Variants in HERC2 observed in about 807,000 individuals in gnomAD.
The protein encoded by HERC2 is E3 ubiquitin-protein ligase HERC2.
HERC2 carries 102 observed loss-of-function variants against 537.7 expected under a neutral mutation model. The observed-to-expected ratio is 0.19, with a 90% CI of 0.16 to 0.22. The LOEUF is 0.22. Among genes scored for constraint, HERC2 ranks in the 10% least tolerant of loss-of-function variants. The probability of loss-of-function intolerance (pLI) is 1.00; values close to 1 mark genes in which losing one functional copy is unlikely to be tolerated. For synonymous variants in HERC2, 2,224 were observed against 2,466.2 expected (o/e 0.90, Z 2.91); for missense variants, 4,236 against 6,198.2 (o/e 0.68, Z 10.63).
At position 28,124,072 on chromosome 15, in the gene HERC2, C is replaced by T. The variant is rs765782498; in HGVS notation, c.13153G>A (p.Asp4385Asn). The change falls in exon 85 of 93, where the codon GAC becomes AAC. Residue 4385 changes from aspartate to asparagine, a missense_variant. Transcript: ENST00000261609. ...GATATCAGAATTCCTCGGAGAGTGT[C>T]GAACCCAACAGAAGGCCCGAGTCCA... is the stretch of plus-strand genomic sequence containing the variant. ...ETGLGPSVGFDTLRGILISQG... is the reference protein window; with the variant it reads ...ETGLGPSVGFNTLRGILISQG... 5.6e-6 allele frequency: 9 copies of T among 1,604,716 alleles called. No individual in the cohort carries two copies. The highest frequency in any genetic ancestry group is 2.2e-5 in the South Asian group (2 of 89,456).
At chr15:28,182,351 G>A (rs1435786693) in intron 57 of HERC2, 50 bp downstream of exon 57, 1 of 1,142,018 alleles carries the variant, frequency 8.8e-7, no homozygotes, top group Non-Finnish European at 1.3e-6. Flanking sequence ...CACGAGGTGT[G>A]GCTGCTGCCG....
chr15:28,301,769 A>G lies in HERC2; in HGVS notation c.73-2253T>C, dbSNP rs190965718. Among the ~76,000 whole-genome samples the G allele has an allele frequency of 3.0e-3, 331 of 108,616 alleles. 5 individuals are homozygous for G. The highest frequency in any genetic ancestry group is 5.0e-3 in the Non-Finnish European group (280 of 56,482). The allele number at this position is 108,616 out of a possible 152,430, so 71.3% of individuals were successfully genotyped here. Reference sequence around the variant, plus strand: ...TATATATATATATATATATATATATATATATATATATGGGTTATATATTCT... The same window carrying G: ...TATATATATATATATATATATATATGTATATATATATGGGTTATATATTCT... On this transcript the variant is annotated intron_variant, in intron 2 of 92. Coordinates refer to ENST00000261609, the MANE Select transcript of HERC2 (RefSeq NM_004667.6).
At chr15:28,314,409 G>A (rs1477163019) in intron 2 of HERC2, among the ~76,000 whole-genome samples, 30 of 152,308 alleles carry the variant, frequency 2.0e-4, no homozygotes, top group African/African-American at 2.9e-4. Context: ...TGAAGCAACG[G>A]TATGCAGTAT....
chr15:28,243,369 C>G (rs1026063386), intron 23 of HERC2, among the ~76,000 whole-genome samples: 1 of 152,082 alleles, frequency 6.6e-6, no homozygotes, highest in African/African-American at 2.4e-5. Flanking sequence ...AAATGAACAA[C>G]CATTAAAACA....
rs1044373576 is a variant in HERC2, at chr15:28,213,768, C to T, written c.6760G>A (p.Val2254Ile). The T allele has an allele frequency of 8.7e-6, 14 of 1,613,830 alleles. No individual in the cohort carries two copies. The South Asian group carries it at 8.8e-5, about 10-fold the overall frequency. The change falls in exon 42 of 93, where the codon GTT (valine) becomes ATT (isoleucine). Residue 2254 changes from valine (V) to isoleucine (I), a missense_variant. This residue lies in a region of HERC2 where 67 missense variants were observed against 140.1 expected (regional missense o/e 0.48). Coordinates refer to ENST00000261609, the MANE Select transcript of HERC2 (RefSeq NM_004667.6). ...VQFSDMRTCR[V>I]CPLNQLKPLP... ...GGTTTCAGCTGATTCAATGGGCAAACGCGACACGTCCGCATGTCAGAGAAC... is the reference window on the plus strand; with the variant it reads ...GGTTTCAGCTGATTCAATGGGCAAATGCGACACGTCCGCATGTCAGAGAAC...
intron 4 of HERC2, 79 bp downstream of exon 4, chr15:28,292,809 A>G (rs2141143161): frequency 7.2e-7 from 1 of 1,392,654 alleles, no homozygotes. Flanking sequence ...TACCAAAAAA[A>G]TACTAAGAAT....
intron 10 of HERC2, 133 bp downstream of exon 10, chr15:28,270,562 C>T (rs1316324230): frequency 2.4e-5 from 20 of 826,876 alleles, no homozygotes; most frequent in South Asian, 5.5e-5. Flanking sequence ...CAACTGCAAA[C>T]GCGTTTAAAA....
At chr15:28,227,092 T>C (rs1430359501) in intron 35 of HERC2, among the ~76,000 whole-genome samples, 1 of 152,156 alleles carries the variant, frequency 6.6e-6, no homozygotes, top group Non-Finnish European at 1.5e-5. Flanking sequence ...CTGGCCAACA[T>C]GGCTAAACCC....
chr15:28,233,833 C>A (rs533949762), intron 27 of HERC2, 37 bp from the exon 28 acceptor site: 3 of 1,609,480 alleles, frequency 1.9e-6, no homozygotes, highest in Middle Eastern at 2.3e-4. Context: ...TTCAGAGCCA[C>A]CCAGTGAGTC....
rs544609334 is a variant in HERC2, at chr15:28,184,718, C to T, written c.8825+1859G>A. ...CTACTAAAAATACAAAAAAATTAGC[C>T]GGGCATGGCGGCGTGCACCTGTAGT... On this transcript the variant is annotated intron_variant, in intron 56 of 92. Transcript: ENST00000261609. 8.6e-5 allele frequency among the ~76,000 whole-genome samples: 13 copies of T among 151,428 alleles called. No individual in the cohort carries two copies. In the East Asian group the frequency reaches 2.6e-3, roughly 30 times the overall value.
rs1036220143 is a variant in HERC2 at position 28,186,663 on chromosome 15, G to A, written c.8739C>T (p.Ile2913=). The change falls in exon 56 of 93, where the codon ATC becomes ATT. Residue 2913 remains isoleucine, a synonymous_variant. Coordinates refer to ENST00000261609, the MANE Select transcript of HERC2 (RefSeq NM_004667.6). The part of the protein sequence containing the change: ...KIHGLILLGR[I]RAEEEDLAAV... The stretch of plus-strand genomic sequence containing the variant: ...CAGCCAAATCTTCCTCTTCTGCACG[G>A]ATCCGTCCCAGCAGGATGAGACCAT... 1 of 1,613,896 alleles carries A rather than the reference G, an allele frequency of 6.2e-7. No homozygotes were observed. Among genetic ancestry groups the A allele is most frequent in the African/African-American group, 1.3e-5 (1 of 74,908 alleles).
Position 28,114,700 on chromosome 15 carries a change from T to C in HERC2, c.13825A>G (p.Ser4609Gly), listed in dbSNP as rs763204860. Residue 4609 changes from serine (S) to glycine (G), a missense_variant, in exon 90 of 93, where the codon AGT (serine) becomes GGT (glycine). Around this residue, in one of 27 missense-constraint regions of HERC2, gnomAD observed 313 missense variants for 462.6 expected, o/e 0.68. Coordinates refer to ENST00000261609, the MANE Select transcript of HERC2 (RefSeq NM_004667.6). The part of the protein sequence containing the change: ...MSLPFTVPSA[S>G]GQDIQLSSKH... ...GAGCTCAACTGAATGTCCTGGCCAC[T>C]GGCACTTGGCACTGTGAAGGGCAGG... 1 of 1,614,162 alleles carries C rather than the reference T, an allele frequency of 6.2e-7. No homozygotes were observed. Among genetic ancestry groups the C allele is most frequent in the Admixed American group, 1.7e-5 (1 of 60,016 alleles).
chr15:28,132,861 C>T (rs1412045461), intron 79 of HERC2, 31 bp from the exon 80 acceptor site: 1 of 1,480,896 alleles, frequency 6.8e-7, no homozygotes, highest in African/African-American at 1.4e-5. Context: ...ATAATGGAAA[C>T]ACATTTTTAT....
chr15:28,220,788 G>A, intron 36 of HERC2, 144 bp from the exon 37 acceptor site: 1 of 675,220 alleles, frequency 1.5e-6, no homozygotes. Flanking sequence ...TTAGGAGGGT[G>A]TGTGCCCTGC....
rs2142046891 is a variant in HERC2 at position 28,115,423 on chromosome 15, A to G, written c.13722+6T>C. Reference sequence around the variant, plus strand: ...AGAGGCCCCGCCTGCCGCCCCAGGGAGTTACCTCACTGAGGTCCGCGATGG... The same window carrying G: ...AGAGGCCCCGCCTGCCGCCCCAGGGGGTTACCTCACTGAGGTCCGCGATGG... On this transcript the variant is annotated splice_donor_region_variant and intron_variant, in intron 89 of 92. Coordinates refer to ENST00000261609, the MANE Select transcript of HERC2 (RefSeq NM_004667.6). The G allele has an allele frequency of 6.2e-7, 1 of 1,608,804 alleles. No individual in the cohort carries two copies. The highest frequency in any genetic ancestry group is 2.2e-5 in the East Asian group (1 of 44,812).
chr15:28,161,940 C>G (rs1352561241), intron 69 of HERC2, among the ~76,000 whole-genome samples: 2 of 152,066 alleles, frequency 1.3e-5, no homozygotes, highest in Non-Finnish European at 2.9e-5. Context: ...GGTTTACCAT[C>G]TAGGAAAAAA....
chr15:28,182,825 A>T (rs1895953100), intron 56 of HERC2, among the ~76,000 whole-genome samples: 1 of 152,156 alleles, frequency 6.6e-6, no homozygotes, highest in Non-Finnish European at 1.5e-5. Context: ...CATGGGTGGG[A>T]ATCATTCCAA....
intron 2 of HERC2, among the ~76,000 whole-genome samples, chr15:28,314,958 A>G (rs1248660090): frequency 2.0e-5 from 3 of 152,236 alleles, no homozygotes; most frequent in African/African-American, 7.2e-5. Context: ...AGCTTCTCGC[A>G]GGACAATAGC....
chr15:28,286,974 A>G (rs16950993), intron 4 of HERC2, among the ~76,000 whole-genome samples: 33,525 of 152,142 alleles, frequency 0.22, 7,324 homozygotes, highest in African/African-American at 0.55. Flanking sequence ...GGGACAAAAA[A>G]GTGGAGAGAG....
Sources: allele counts gnomAD v4.1 joint callset (sites outside exome capture counted in the v4.1 genomes callset), GRCh38; gene constraint gnomAD v4.1.1; regional missense constraint gnomAD v4.1.1; transcripts MANE v1.5; gene names NCBI Gene and HGNC (gene_info 2026-07-23, HGNC 2026-07-21).